The following STAT5B variants were observed in gnomAD, a reference collection of about 807,000 sequenced individuals.
STAT5B encodes the protein transcription factor STAT5B.
A neutral mutation model predicts 107.8 loss-of-function variants in STAT5B; 21 were observed. The ratio of observed to expected loss-of-function variants is 0.19; its 90% CI spans 0.14 to 0.28. The LOEUF is 0.28. Ranked by LOEUF, STAT5B falls within the 10% of genes least tolerant of loss-of-function variation. The pLI is 1.00. For missense variants in STAT5B, 565 were observed against 1,008.2 expected, an observed-to-expected ratio of 0.56 and a Z score of 5.95; for synonymous variants, 325 against 401.7, an observed-to-expected ratio of 0.81 and a Z score of 2.28.
At chr17:42,223,291 A>T in intron 5 of STAT5B, 91 bp downstream of exon 5, 1 of 1,593,268 alleles carries the variant, frequency 6.3e-7, no homozygotes, top group South Asian at 1.1e-5. Flanking sequence ...CTCCGAATGG[A>T]AAGTGTGCTT....
chr17:42,211,635 C>T (rs753771211), intron 13 of STAT5B, among the ~76,000 whole-genome samples: 7 of 152,160 alleles, frequency 4.6e-5, no homozygotes, highest in Non-Finnish European at 2.9e-5. Context: ...TCTGGCATTA[C>T]ACATGGGGAA....
chr17:42,249,781 C>T (rs1013341534), intron 1 of STAT5B, among the ~76,000 whole-genome samples: 12 of 152,152 alleles, frequency 7.9e-5, no homozygotes, highest in African/African-American at 2.7e-4. Flanking sequence ...TTGTCTCAGT[C>T]TCCTGAGTAG....
intron 1 of STAT5B, chr17:42,271,073 T>G (rs370525386): frequency 6.6e-6 from 1 of 152,278 alleles, no homozygotes. Context: ...GGCATCATAA[T>G]GATTAGATAC....
At chr17:42,202,729 G>T (rs2080055460) in intron 17 of STAT5B, 28 bp downstream of exon 17, 1 of 1,613,434 alleles carries the variant, frequency 6.2e-7, no homozygotes, top group Non-Finnish European at 8.5e-7. Flanking sequence ...AGAGGCAGAA[G>T]GAGAGCCACA....
chr17:42,264,358 TC>T (rs2080648149), intron 1 of STAT5B, among the ~76,000 whole-genome samples: 1 of 64,416 alleles, frequency 1.6e-5, no homozygotes, highest in East Asian at 5.6e-4. Context: ...CCCTCCCCCC[TC>T]CCCCCACCCC....
At chr17:42,275,472 TGA>T (rs1259159043) in intron 1 of STAT5B, 3 of 152,444 alleles carry the variant, frequency 2.0e-5, no homozygotes, top group East Asian at 3.9e-4. Flanking sequence ...TTGCTCCGTG[TGA>T]GTTCTTTCCT....
At chr17:42,266,241 A>C (rs2080670199) in intron 1 of STAT5B, among the ~76,000 whole-genome samples, 1 of 152,044 alleles carries the variant, frequency 6.6e-6, no homozygotes, top group Non-Finnish European at 1.5e-5. Context: ...TAAAAATTCA[A>C]AACTAGCCAG....
intron 9 of STAT5B, chr17:42,217,686 G>A (rs940280868): frequency 3.8e-6 from 2 of 522,192 alleles, no homozygotes; most frequent in South Asian, 2.1e-5. Context: ...GTTCCTAAGA[G>A]AACTTTTTTT....
the STAT5B span, among the ~76,000 whole-genome samples, chr17:42,283,180 G>C: frequency 2.0e-5 from 3 of 152,202 alleles, no homozygotes; most frequent in African/African-American, 7.2e-5. Flanking sequence ...CTGGAAGGAG[G>C]AGAAACTAGC....
intron 2 of STAT5B, among the ~76,000 whole-genome samples, chr17:42,231,570 G>T (rs1482630742): frequency 6.6e-6 from 1 of 152,120 alleles, no homozygotes; most frequent in Non-Finnish European, 1.5e-5. Flanking sequence ...TTGAACTCCT[G>T]GGCTCAAGCA....
At chr17:42,255,857 G>A (rs558528939) in intron 1 of STAT5B, among the ~76,000 whole-genome samples, 4 of 152,150 alleles carry the variant, frequency 2.6e-5, no homozygotes, top group Admixed American at 2.0e-4. Context: ...TTGGGAGGCC[G>A]AGGGCGGTTC....
At chr17:42,233,636 G>A (rs1202606361) in intron 1 of STAT5B, among the ~76,000 whole-genome samples, 2 of 151,812 alleles carry the variant, frequency 1.3e-5, no homozygotes, top group African/African-American at 4.8e-5. Flanking sequence ...GACTACAGGC[G>A]CCCGCCACCA....
chr17:42,242,930 G>C (rs2144331392), intron 1 of STAT5B, among the ~76,000 whole-genome samples: 1 of 152,096 alleles, frequency 6.6e-6, no homozygotes, highest in African/African-American at 2.4e-5. Flanking sequence ...AAGGCAGCAT[G>C]CTCCTTAAGA....
intron 15 of STAT5B, among the ~76,000 whole-genome samples, chr17:42,209,275 G>C (rs2080110326): frequency 6.7e-6 from 1 of 148,840 alleles, no homozygotes; most frequent in African/African-American, 2.5e-5. Flanking sequence ...AGCTGGGCTT[G>C]AACTCCTGGC....
intron 15 of STAT5B, among the ~76,000 whole-genome samples, chr17:42,208,500 A>G (rs2080103844): frequency 6.6e-6 from 1 of 151,686 alleles, no homozygotes; most frequent in South Asian, 2.1e-4. Context: ...TCAAAAATAA[A>G]TAAATAAATA....
At chr17:42,223,353 T>C in intron 5 of STAT5B, 29 bp downstream of exon 5, 2 of 1,614,082 alleles carry the variant, frequency 1.2e-6, no homozygotes, top group East Asian at 2.2e-5. Flanking sequence ...AATCCTCAAG[T>C]TGCACAATGT....
At chr17:42,211,155 T>C (rs571301740) in intron 13 of STAT5B, among the ~76,000 whole-genome samples, 3 of 151,210 alleles carry the variant, frequency 2.0e-5, no homozygotes, top group South Asian at 4.2e-4. Flanking sequence ...GAGCCCAGAA[T>C]GTACCACTGC....
chr17:42,280,281 T>A (rs996452394), upstream of STAT5B, among the ~76,000 whole-genome samples: 4 of 151,972 alleles, frequency 2.6e-5, no homozygotes, highest in Non-Finnish European at 4.4e-5. Context: ...GGGGGTCTAG[T>A]CCACAGCCCT....
chr17:42,239,006 C>G (rs1351232514), intron 1 of STAT5B, among the ~76,000 whole-genome samples: 1 of 150,652 alleles, frequency 6.6e-6, no homozygotes, highest in African/African-American at 2.4e-5. Context: ...TCCCAGCACT[C>G]TGGGAGGCCG....
Sources: gnomAD v4.1 joint callset for allele counts (sites outside exome capture counted in the v4.1 genomes callset) on GRCh38, gnomAD v4.1.1 for gene constraint, MANE v1.5 for transcripts, NCBI Gene and HGNC (gene_info 2026-07-23, HGNC 2026-07-21) for gene names.